The following RBFOX1 variants were observed in gnomAD, a reference collection of about 807,000 sequenced individuals.
RBFOX1 encodes RNA binding fox-1 homolog 1.
Under a neutral mutation model 57.7 loss-of-function variants are expected in RBFOX1, and 8 were observed. The observed-to-expected ratio is 0.14, with a 90% CI of 0.08 to 0.25. The LOEUF (loss-of-function observed/expected upper bound fraction) is 0.25, where lower values mean the gene tolerates loss of function less well. Ranked by LOEUF, RBFOX1 falls within the 10% of genes least tolerant of loss-of-function variation. The pLI, the probability that RBFOX1 is intolerant of heterozygous loss-of-function variation, is 1.00. For missense variants in RBFOX1, 611 were observed against 548.5 expected (o/e 1.11, Z -1.14); for synonymous variants, 326 against 222.4 (o/e 1.47, Z -4.15).
intron 1 of RBFOX1, among the ~76,000 whole-genome samples, chr16:6,131,537 A>G (rs1166823285): frequency 6.6e-6 from 1 of 152,228 alleles, no homozygotes; most frequent in Non-Finnish European, 1.5e-5. Context: ...TCTGGAACAG[A>G]GGGAAGCATC....
intron 13 of RBFOX1, 85 bp from the exon 14 acceptor site, chr16:7,676,689 A>G (rs2191134): frequency 0.99 from 1,158,479 of 1,171,240 alleles, 573,823 homozygotes; most frequent in East Asian, 1. Flanking sequence ...TTTGGGTAAC[A>G]GCTGCTCTGG....
In RBFOX1 at chr16:6,863,725, CT is replaced by C. The variant is rs71408412; in HGVS notation, c.-15-188305del. Among the ~76,000 whole-genome samples, 329 of 67,706 alleles carry C rather than the reference CT, an allele frequency of 4.9e-3. 8 individuals carry two copies. The highest frequency in any genetic ancestry group is 0.016 in the African/African-American group (213 of 13,336). The allele number at this position is 67,706 out of a possible 152,430, so 44.4% of individuals were successfully genotyped here. The stretch of plus-strand genomic sequence containing the variant: ...CGGAAGCACAAATTGGATGCCTGCG[CT>C]TTTTTTTTTTTTTTTTTTTTTTTTT... On this transcript the variant is annotated intron_variant, in intron 3 of 15. Coordinates refer to ENST00000550418, the MANE Select transcript of RBFOX1 (RefSeq NM_018723.4).
chr16:6,947,122 C>T (rs368217394), intron 3 of RBFOX1, among the ~76,000 whole-genome samples: 19 of 152,266 alleles, frequency 1.2e-4, no homozygotes, highest in Admixed American at 5.2e-4. Context: ...ATCTGTTAAA[C>T]TCTTAGCACA....
chr16:5,849,020 G>A (rs1410973065), intron 3 of RBFOX1, among the ~76,000 whole-genome samples: 1 of 151,898 alleles, frequency 6.6e-6, no homozygotes, highest in African/African-American at 2.4e-5. Context: ...CAGGACAGGA[G>A]CTCCAGATAG....
chr16:7,109,760 T>G (rs1042908214), intron 4 of RBFOX1, among the ~76,000 whole-genome samples: 5 of 152,094 alleles, frequency 3.3e-5, no homozygotes, highest in African/African-American at 1.2e-4. Flanking sequence ...TCGAGATGAC[T>G]CCTTTGAGCA....
intron 3 of RBFOX1, among the ~76,000 whole-genome samples, chr16:6,857,488 T>C (rs952206602): frequency 6.6e-6 from 1 of 152,228 alleles, no homozygotes; most frequent in East Asian, 1.9e-4. Context: ...GTCTGACTCA[T>C]TGGGCATAAC....
chr16:5,814,577 A>G (rs2055554605), intron 3 of RBFOX1, among the ~76,000 whole-genome samples: 1 of 152,236 alleles, frequency 6.6e-6, no homozygotes, highest in African/African-American at 2.4e-5. Context: ...GAAAGTAGTC[A>G]GCGGTAGAGA....
At chr16:5,770,055 A>G (rs546459124) in intron 3 of RBFOX1, among the ~76,000 whole-genome samples, 1 of 152,344 alleles carries the variant, frequency 6.6e-6, no homozygotes, top group East Asian at 1.9e-4. Context: ...TGTGGAGGTA[A>G]GAATGAATGT....
chr16:7,625,509 C>T (rs1380335081), intron 10 of RBFOX1, among the ~76,000 whole-genome samples: 1 of 152,166 alleles, frequency 6.6e-6, no homozygotes, highest in African/African-American at 2.4e-5. Context: ...CCCCAGAATA[C>T]TCATTCCATC....
intron 3 of RBFOX1, among the ~76,000 whole-genome samples, chr16:5,751,023 G>T (rs1403191472): frequency 6.6e-6 from 1 of 152,284 alleles, no homozygotes; most frequent in East Asian, 1.9e-4. Flanking sequence ...TGTATTTTTA[G>T]TAGAGAGGTG....
intron 1 of RBFOX1, among the ~76,000 whole-genome samples, chr16:5,413,917 C>T (rs1341911438): frequency 6.6e-6 from 1 of 152,138 alleles, no homozygotes; most frequent in East Asian, 1.9e-4. Flanking sequence ...TTCCTGAAAG[C>T]TCATGACTCT....
chr16:6,968,298 C>T (rs1164376226), intron 3 of RBFOX1, among the ~76,000 whole-genome samples: 3 of 152,214 alleles, frequency 2.0e-5, no homozygotes, highest in Non-Finnish European at 2.9e-5. Flanking sequence ...TGAAAAGCAG[C>T]CTGGTGAAAT....
At chr16:7,236,110 T>C (rs1207566966) in intron 4 of RBFOX1, among the ~76,000 whole-genome samples, 3 of 152,198 alleles carry the variant, frequency 2.0e-5, no homozygotes, top group East Asian at 1.9e-4. Flanking sequence ...TTTCAGAAAT[T>C]AGAGTGTTTT....
intron 2 of RBFOX1, among the ~76,000 whole-genome samples, chr16:6,471,002 A>G (rs923436221): frequency 6.6e-6 from 1 of 152,192 alleles, no homozygotes; most frequent in Non-Finnish European, 1.5e-5. Context: ...CTTTCTGCAC[A>G]CACGAGGGTA....
chr16:5,620,548 C>G (rs935516637), intron 3 of RBFOX1, among the ~76,000 whole-genome samples: 1 of 152,156 alleles, frequency 6.6e-6, no homozygotes, highest in Non-Finnish European at 1.5e-5. Context: ...AGACCTGTCT[C>G]CTTGGCTTGC....
At position 5,293,578 on chromosome 16, in the gene RBFOX1, C is replaced by T. The variant is rs1276941349; in HGVS notation, c.219+53473C>T. 2.0e-5 allele frequency among the ~76,000 whole-genome samples: 3 copies of T among 152,174 alleles called. No homozygotes were observed. In the East Asian group the frequency reaches 5.8e-4, roughly 29 times the overall value. ...CCACATGTAGTAGGCACCAATACTT[C>T]CATTGTATGGATATAGCACATTTTG... is the stretch of plus-strand genomic sequence containing the variant. On this transcript the variant is annotated intron_variant, in intron 1 of 2. Transcript: ENST00000585867.
At chr16:6,968,821 GTTT>G (rs111367350) in intron 3 of RBFOX1, among the ~76,000 whole-genome samples, 1 of 142,050 alleles carries the variant, frequency 7.0e-6, no homozygotes, top group African/African-American at 2.6e-5. Flanking sequence ...AGGTTTTTTT[GTTT>G]TTTTTTTTTT....
chr16:6,996,291 A>G (rs1568285035), intron 3 of RBFOX1, among the ~76,000 whole-genome samples: 1 of 152,210 alleles, frequency 6.6e-6, no homozygotes, highest in Non-Finnish European at 1.5e-5. Context: ...CTACTTTAGA[A>G]TAACACTGAA....
intron 1 of RBFOX1, among the ~76,000 whole-genome samples, chr16:6,211,080 A>G (rs2152851024): frequency 1.3e-5 from 2 of 151,700 alleles, no homozygotes; most frequent in Admixed American, 6.6e-5. Flanking sequence ...GGAAAACATC[A>G]AGAAAGATCT....
Sources: allele counts gnomAD v4.1 joint callset (sites outside exome capture counted in the v4.1 genomes callset), GRCh38; gene constraint gnomAD v4.1.1; transcripts MANE v1.5; gene names NCBI Gene and HGNC (gene_info 2026-07-23, HGNC 2026-07-21).